The following LRP1B variants were observed in gnomAD, a reference collection of about 807,000 sequenced individuals.
LRP1B encodes LDL receptor related protein 1B.
Under a neutral mutation model 556.6 loss-of-function variants are expected in LRP1B, and 217 were observed. The observed-to-expected ratio is 0.39, with a 90% CI of 0.35 to 0.44. The LOEUF (loss-of-function observed/expected upper bound fraction) is 0.44, where lower values mean the gene tolerates loss of function less well. LRP1B is among the 20% of genes least tolerant of loss of function. LRP1B has a pLI of 1.00. For synonymous variants in LRP1B, 2,047 were observed against 1,865.8 expected (o/e 1.10, Z -2.50); for missense variants, 5,053 against 5,620.8 (o/e 0.90, Z 3.23).
At chr2:140,821,165 T>C (rs2105054525) in intron 31 of LRP1B, among the ~76,000 whole-genome samples, 1 of 152,240 alleles carries the variant, frequency 6.6e-6, no homozygotes, top group Non-Finnish European at 1.5e-5. Flanking sequence ...CTGAACTACG[T>C]CCTCCTGGAG....
chr2:140,767,193 C>A (rs1451637054), intron 35 of LRP1B, among the ~76,000 whole-genome samples: 1 of 151,860 alleles, frequency 6.6e-6, no homozygotes, highest in African/African-American at 2.4e-5. Context: ...CTGCTGTATT[C>A]TGAGTAACAG....
intron 41 of LRP1B, among the ~76,000 whole-genome samples, chr2:140,637,196 G>A (rs566590302): frequency 1.3e-5 from 2 of 152,252 alleles, no homozygotes; most frequent in South Asian, 2.1e-4. Flanking sequence ...AAATGGCACT[G>A]AGATCCAGCA....
intron 41 of LRP1B, among the ~76,000 whole-genome samples, chr2:140,614,749 C>A (rs553865320): frequency 6.6e-6 from 1 of 152,074 alleles, no homozygotes; most frequent in Non-Finnish European, 1.5e-5. Context: ...TAGAATCTCC[C>A]ATATAACATT....
At chr2:142,078,487 G>T (rs1337949468) in intron 1 of LRP1B, among the ~76,000 whole-genome samples, 1 of 152,070 alleles carries the variant, frequency 6.6e-6, no homozygotes, top group African/African-American at 2.4e-5. Flanking sequence ...TTTGAGGTCA[G>T]AAAATTCGAG....
At chr2:141,233,751 GT>G (rs199905234) in intron 5 of LRP1B, among the ~76,000 whole-genome samples, 1,833 of 152,118 alleles carry the variant, frequency 0.012, 43 homozygotes, top group African/African-American at 0.04. Context: ...TAAACCTCCA[GT>G]TCTTGTATTC....
intron 2 of LRP1B, among the ~76,000 whole-genome samples, chr2:141,662,859 A>G (rs759778632): frequency 6.6e-6 from 1 of 152,150 alleles, no homozygotes; most frequent in Non-Finnish European, 1.5e-5. Flanking sequence ...CTTCACCCCA[A>G]AACAACAGAA....
At chr2:141,661,629 G>GA (rs1299213049) in intron 2 of LRP1B, among the ~76,000 whole-genome samples, 6 of 152,210 alleles carry the variant, frequency 3.9e-5, no homozygotes, top group African/African-American at 1.2e-4. Flanking sequence ...CAAGATTACA[G>GA]AAAAAAGAAT....
At chr2:141,455,189 A>T (rs1256831359) in intron 3 of LRP1B, among the ~76,000 whole-genome samples, 1 of 151,964 alleles carries the variant, frequency 6.6e-6, no homozygotes, top group Non-Finnish European at 1.5e-5. Context: ...AGACTGATGT[A>T]TTTAATCAAT....
At chr2:141,550,067 C>T (rs12476844) in intron 2 of LRP1B, among the ~76,000 whole-genome samples, 35,780 of 152,168 alleles carry the variant, frequency 0.24, 5,224 homozygotes, top group East Asian at 0.48. Context: ...AATCCTCATA[C>T]GTATATTTTG....
intron 1 of LRP1B, among the ~76,000 whole-genome samples, chr2:142,047,265 A>G (rs1025428227): frequency 1.3e-5 from 2 of 151,966 alleles, no homozygotes; most frequent in Non-Finnish European, 2.9e-5. Flanking sequence ...GAGGCTTGAC[A>G]TTTAGGATTA....
chr2:141,681,694 G>A (rs975826811), intron 2 of LRP1B, among the ~76,000 whole-genome samples: 14 of 152,052 alleles, frequency 9.2e-5, no homozygotes, highest in South Asian at 2.1e-4. Context: ...AGATGCAGCC[G>A]AAAGAATACT....
At chr2:141,220,139 A>G (rs186835631) in intron 6 of LRP1B, among the ~76,000 whole-genome samples, 2 of 152,304 alleles carry the variant, frequency 1.3e-5, no homozygotes, top group African/African-American at 4.8e-5. Flanking sequence ...TCGCTGAGCT[A>G]AAGGAGTTCT....
At chr2:140,863,038 A>G (rs1202657790) in intron 27 of LRP1B, among the ~76,000 whole-genome samples, 1 of 152,040 alleles carries the variant, frequency 6.6e-6, no homozygotes, top group African/African-American at 2.4e-5. Context: ...ATTGAGTTAC[A>G]CCACTGGTTT....
intron 1 of LRP1B, among the ~76,000 whole-genome samples, chr2:141,981,520 T>C (rs1227405484): frequency 6.6e-6 from 1 of 152,094 alleles, no homozygotes; most frequent in African/African-American, 2.4e-5. Context: ...CCTTACAGTC[T>C]TGATTAGGAG....
intron 84 of LRP1B, among the ~76,000 whole-genome samples, chr2:140,289,075 A>T (rs1330808614): frequency 6.6e-6 from 1 of 151,964 alleles, no homozygotes; most frequent in Non-Finnish European, 1.5e-5. Context: ...GCATTCTTAA[A>T]ATTTTTTTAT....
intron 3 of LRP1B, among the ~76,000 whole-genome samples, chr2:141,339,855 G>T (rs968244412): frequency 3.9e-5 from 6 of 152,032 alleles, no homozygotes; most frequent in African/African-American, 1.4e-4. Context: ...GGTGGTAAAG[G>T]CTGGGTGTTT....
intron 2 of LRP1B, among the ~76,000 whole-genome samples, chr2:141,747,584 C>T (rs1206761990): frequency 1.3e-5 from 2 of 152,060 alleles, no homozygotes; most frequent in African/African-American, 4.8e-5. Context: ...CTGCAGTGTG[C>T]TATGATATCC....
At chr2:141,845,825 G>A (rs1171317673) in intron 1 of LRP1B, among the ~76,000 whole-genome samples, 1 of 151,804 alleles carries the variant, frequency 6.6e-6, no homozygotes, top group Non-Finnish European at 1.5e-5. Flanking sequence ...AAGAATATAG[G>A]AGAACTGGAA....
intron 2 of LRP1B, among the ~76,000 whole-genome samples, chr2:141,657,753 G>A (rs1690068209): frequency 6.6e-6 from 1 of 152,206 alleles, no homozygotes; most frequent in South Asian, 2.1e-4. Flanking sequence ...TTGTGTTTAT[G>A]TTGTCATTGA....
Sources: gnomAD v4.1 joint callset for allele counts (sites outside exome capture counted in the v4.1 genomes callset) on GRCh38, gnomAD v4.1.1 for gene constraint, MANE v1.5 for transcripts, NCBI Gene and HGNC (gene_info 2026-07-23, HGNC 2026-07-21) for gene names.